SOS1: variants seen among roughly 807,000 people sequenced by gnomAD.
SOS1 encodes the protein son of sevenless homolog 1.
SOS1 carries 25 observed loss-of-function variants against 157.6 expected under a neutral mutation model. The ratio of observed to expected loss-of-function variants is 0.16; its 90% CI spans 0.12 to 0.22. The LOEUF (loss-of-function observed/expected upper bound fraction) is 0.22, where lower values mean the gene tolerates loss of function less well. Ranked by LOEUF, SOS1 falls within the 10% of genes least tolerant of loss-of-function variation. SOS1 has a pLI of 1.00. For synonymous variants in SOS1, 528 were observed against 534.0 expected, an observed-to-expected ratio of 0.99 and a Z score of 0.16; for missense variants, 1,237 against 1,599.1, an observed-to-expected ratio of 0.77 and a Z score of 3.86.
At chr2:39,082,020 C>G (rs1213622177) in intron 1 of SOS1, among the ~76,000 whole-genome samples, 2 of 152,058 alleles carry the variant, frequency 1.3e-5, no homozygotes, top group East Asian at 3.9e-4. Context: ...AATGGGGTAT[C>G]CATTCCCTCA....
At position 38,984,617 on chromosome 2, in the gene SOS1, C is replaced by G. The variant is rs932860412; in HGVS notation, c.*1207G>C. The G allele has an allele frequency of 6.6e-6, 1 of 152,098 alleles. No homozygotes were observed. The highest frequency in any genetic ancestry group is 1.5e-5 in the Non-Finnish European group (1 of 68,004). 9.4% of individuals were successfully genotyped at this position (152,098 alleles called of 1,614,324 possible). ...AATACATATATCCAGAACTAGAAACCAAGGCGTACCACAAAACGTGCTTTT... is the reference window on the plus strand; with the variant it reads ...AATACATATATCCAGAACTAGAAACGAAGGCGTACCACAAAACGTGCTTTT... On this transcript the variant is annotated 3_prime_UTR_variant, in exon 23 of 23. Transcript: ENST00000402219.
At chr2:38,989,375 G>A in intron 20 of SOS1, 61 bp from the exon 21 acceptor site, 1 of 1,016,004 alleles carries the variant, frequency 9.8e-7, no homozygotes, top group Non-Finnish European at 1.6e-6. Flanking sequence ...CAACTCATCT[G>A]CAAAAATTTG....
At position 39,021,336 on chromosome 2, in the gene SOS1, C is replaced by T. The variant is rs147763036; in HGVS notation, c.1858+1234G>A. ...TCCCCAGACAATAGTTGTAACCATT[C>T]TTCAGCTGCTTATTAATAATCATAA... On this transcript the variant is annotated intron_variant, in intron 10 of 22. Coordinates refer to ENST00000402219, the MANE Select transcript of SOS1 (RefSeq NM_005633.4). 7.9e-5 allele frequency among the ~76,000 whole-genome samples: 12 copies of T among 151,624 alleles called. No homozygotes were observed. The East Asian group carries it at 1.5e-3, about 20-fold the overall frequency.
At chr2:38,994,066 C>T (rs1476696952) in intron 20 of SOS1, among the ~76,000 whole-genome samples, 2 of 152,146 alleles carry the variant, frequency 1.3e-5, no homozygotes, top group Non-Finnish European at 2.9e-5. Flanking sequence ...GATTATTGAG[C>T]ATCTGACTGT....
At chr2:39,040,918 ACTGT>A (rs1174631345) in intron 6 of SOS1, among the ~76,000 whole-genome samples, 2 of 152,192 alleles carry the variant, frequency 1.3e-5, no homozygotes, top group Non-Finnish European at 2.9e-5. Flanking sequence ...AAACCAGCAA[ACTGT>A]CTGCCAAGCA....
At chr2:39,023,277 G>A in intron 9 of SOS1, 52 bp from the exon 10 acceptor site, 2 of 1,359,398 alleles carry the variant, frequency 1.5e-6, no homozygotes, top group Non-Finnish European at 2.1e-6. Context: ...AAAACCTAGA[G>A]CTCATGTAAG....
At chr2:39,034,778 C>T (rs1007484495) in intron 8 of SOS1, 3 of 455,956 alleles carry the variant, frequency 6.6e-6, no homozygotes, top group East Asian at 6.9e-5. Flanking sequence ...TAACCTTCCC[C>T]ATTACTTTGG....
rs1461710024 is a variant in SOS1 at position 39,035,266 on chromosome 2, G to A, written c.1020C>T (p.Pro340=). ...GFKEAVQYVL[P]RLLLAPVYHC... is the part of the protein sequence containing the mutation. ...GGTAAACAGGGGCCAGAAGCAGCCT[G>A]GGTAAAACATATTGAACAGCTTCTT... Residue 340 remains proline, a synonymous_variant, in exon 8 of 23, where the codon CCC becomes CCT. Coordinates refer to ENST00000402219, the MANE Select transcript of SOS1 (RefSeq NM_005633.4). 2 of 1,613,752 alleles carry A rather than the reference G, an allele frequency of 1.2e-6. No individual in the cohort carries two copies. Among genetic ancestry groups the A allele is most frequent in the Non-Finnish European group, 1.7e-6 (2 of 1,179,806 alleles).
At chr2:39,062,563 G>A (rs1671446036) in intron 2 of SOS1, among the ~76,000 whole-genome samples, 1 of 149,622 alleles carries the variant, frequency 6.7e-6, no homozygotes, top group African/African-American at 2.5e-5. Flanking sequence ...ACGATGAAGG[G>A]CTAATGACAA....
chr2:39,004,139 GGT>G (rs1669203268), intron 17 of SOS1, among the ~76,000 whole-genome samples: 1 of 152,102 alleles, frequency 6.6e-6, no homozygotes, highest in Admixed American at 6.5e-5. Context: ...TCCCTGGCCG[GGT>G]GCGGTGGCTC....
At chr2:39,034,937 T>G in intron 8 of SOS1, 1 of 530,452 alleles carries the variant, frequency 1.9e-6, no homozygotes, top group South Asian at 1.6e-5. Flanking sequence ...CAAAAATATC[T>G]GACAATTGCT....
At chr2:39,094,721 C>A (rs772333318) in intron 1 of SOS1, among the ~76,000 whole-genome samples, 1 of 152,132 alleles carries the variant, frequency 6.6e-6, no homozygotes, top group African/African-American at 2.4e-5. Context: ...AACTTGAGAA[C>A]TACTATCTAC....
intron 8 of SOS1, among the ~76,000 whole-genome samples, chr2:39,033,038 G>C (rs949741248): frequency 5.3e-5 from 8 of 151,758 alleles, no homozygotes; most frequent in African/African-American, 1.9e-4. Context: ...GAACACATTT[G>C]GCATATCCAG....
At chr2:39,107,437 G>A (rs560975978) in intron 1 of SOS1, among the ~76,000 whole-genome samples, 1 of 152,200 alleles carries the variant, frequency 6.6e-6, no homozygotes, top group Non-Finnish European at 1.5e-5. Flanking sequence ...TTGCACTACA[G>A]TCTAAGACAC....
At chr2:38,987,630 A>G (rs542147693) in intron 21 of SOS1, 39 bp from the exon 22 acceptor site, 1 of 935,652 alleles carries the variant, frequency 1.1e-6, no homozygotes, top group Non-Finnish European at 1.7e-6. Context: ...GTCCACAGGA[A>G]TTTTATTTCA....
At chr2:39,110,798 C>T (rs1041793323) in intron 1 of SOS1, among the ~76,000 whole-genome samples, 1 of 152,206 alleles carries the variant, frequency 6.6e-6, no homozygotes, top group African/African-American at 2.4e-5. Flanking sequence ...ATATTTGACT[C>T]CATCAGTATT....
rs948965179 is a variant in SOS1, at chr2:39,115,817, T to C, written c.87+4519A>G. On this transcript the variant is annotated intron_variant, in intron 1 of 22. Transcript: ENST00000402219. ...TTATTCATTCACCTGTTGACGAACA[T>C]TGGATTTTTTCCAGTTTTTGACTGA... Among the ~76,000 whole-genome samples, 15 of 152,338 alleles carry C rather than the reference T, an allele frequency of 9.8e-5. No individual in the cohort carries two copies. The East Asian group carries it at 1.5e-3, about 16-fold the overall frequency.
intron 6 of SOS1, among the ~76,000 whole-genome samples, chr2:39,039,914 T>A (rs906257810): frequency 6.6e-6 from 1 of 152,256 alleles, no homozygotes; most frequent in Non-Finnish European, 1.5e-5. Flanking sequence ...AATGGAATCA[T>A]ACAATATGTA....
intron 8 of SOS1, among the ~76,000 whole-genome samples, chr2:39,025,456 TCTC>T (rs1405654723): frequency 1.3e-5 from 2 of 151,756 alleles, no homozygotes; most frequent in African/African-American, 2.4e-5. Flanking sequence ...TTCAAGTAGT[TCTC>T]CTGCCTCAGC....
Sources: allele counts gnomAD v4.1 joint callset (sites outside exome capture counted in the v4.1 genomes callset), GRCh38; gene constraint gnomAD v4.1.1; transcripts MANE v1.5; gene names NCBI Gene and HGNC (gene_info 2026-07-23, HGNC 2026-07-21).